SLC9A9: variants seen among roughly 807,000 people sequenced by gnomAD.
The protein encoded by SLC9A9 is sodium/hydrogen exchanger 9.
Under a neutral mutation model 77.8 loss-of-function variants are expected in SLC9A9, and 62 were observed. The ratio of observed to expected loss-of-function variants is 0.80; its 90% CI spans 0.65 to 0.98. The LOEUF (loss-of-function observed/expected upper bound fraction) is 0.98, where lower values mean the gene tolerates loss of function less well. Among genes scored for constraint, SLC9A9 ranks in the 50% least tolerant of loss-of-function variants. SLC9A9 has a pLI of 0.00. For synonymous variants in SLC9A9, 320 were observed against 283.5 expected, an observed-to-expected ratio of 1.13 and a Z score of -1.29; for missense variants, 775 against 774.9, an observed-to-expected ratio of 1.00 and a Z score of 0.00.
chr3:143,271,700 T>C (rs1937904991), intron 14 of SLC9A9, among the ~76,000 whole-genome samples: 1 of 152,154 alleles, frequency 6.6e-6, no homozygotes, highest in African/African-American at 2.4e-5. Context: ...GGGGCTAGCA[T>C]GAGGTGGTGA....
rs536883061 is a variant in SLC9A9, at chr3:143,527,431, G to A, written c.1089+24931C>T. Reference sequence around the variant, plus strand: ...TAAAAATTAGATAACAGTAGCACAAGGTTGAAGGAACTTCATTAGGTTGAG... The same window carrying A: ...TAAAAATTAGATAACAGTAGCACAAAGTTGAAGGAACTTCATTAGGTTGAG... On this transcript the variant is annotated intron_variant, in intron 9 of 15. Transcript: ENST00000316549. Among the ~76,000 whole-genome samples, 3 of 152,272 alleles carry A rather than the reference G, an allele frequency of 2.0e-5. No homozygotes were observed. The South Asian group carries it at 6.2e-4, about 32-fold the overall frequency.
At chr3:143,621,210 G>C (rs571133286) in intron 6 of SLC9A9, among the ~76,000 whole-genome samples, 1 of 152,312 alleles carries the variant, frequency 6.6e-6, no homozygotes, top group African/African-American at 2.4e-5. Flanking sequence ...CCAAACAAAA[G>C]GCAGCAGAAT....
At chr3:143,310,662 T>C (rs2030983048) in intron 14 of SLC9A9, among the ~76,000 whole-genome samples, 3 of 152,084 alleles carry the variant, frequency 2.0e-5, no homozygotes, top group Non-Finnish European at 4.4e-5. Context: ...AATCATTGAA[T>C]AGGATGTGTA....
intron 6 of SLC9A9, among the ~76,000 whole-genome samples, chr3:143,633,272 A>G (rs959149031): frequency 1.5e-4 from 23 of 152,346 alleles, no homozygotes; most frequent in Non-Finnish European, 2.6e-4. Context: ...AATCATTTTT[A>G]TTACAGAAGT....
intron 13 of SLC9A9, among the ~76,000 whole-genome samples, chr3:143,368,489 C>T (rs540932384): frequency 2.4e-4 from 37 of 152,264 alleles, no homozygotes; most frequent in African/African-American, 7.7e-4. Flanking sequence ...GATAATCATA[C>T]GGGATTGCTC....
Position 143,735,008 on chromosome 3 carries a change from G to T in SLC9A9, c.534-41701C>A, listed in dbSNP as rs1162169020. On this transcript the variant is annotated intron_variant, in intron 4 of 15. Transcript: ENST00000316549. Reference sequence around the variant, plus strand: ...GATTCAATCTGGCCACAGCCCAGTTGAATCCATTTAAGAAATGAGAATAAT... The same window carrying T: ...GATTCAATCTGGCCACAGCCCAGTTTAATCCATTTAAGAAATGAGAATAAT... Among the ~76,000 whole-genome samples the T allele has an allele frequency of 2.6e-5, 4 of 152,258 alleles. No individual in the cohort carries two copies. In the South Asian group the frequency reaches 6.2e-4, roughly 24 times the overall value.
intron 6 of SLC9A9, among the ~76,000 whole-genome samples, chr3:143,650,970 T>C (rs1224639944): frequency 6.6e-6 from 1 of 152,256 alleles, no homozygotes; most frequent in East Asian, 1.9e-4. Context: ...CCTTTCCTGG[T>C]TGTGTCGGCA....
chr3:143,279,893 C>T (rs925834035), intron 14 of SLC9A9, among the ~76,000 whole-genome samples: 15 of 152,290 alleles, frequency 9.8e-5, no homozygotes, highest in Non-Finnish European at 1.9e-4. Flanking sequence ...AATCATGGCT[C>T]ACTGCAGCCT....
chr3:143,444,712 G>A (rs1009966036), intron 12 of SLC9A9, among the ~76,000 whole-genome samples: 1 of 152,174 alleles, frequency 6.6e-6, no homozygotes, highest in Non-Finnish European at 1.5e-5. Flanking sequence ...GGGTGAAGGG[G>A]CAATCTTCTT....
chr3:143,529,828 A>G (rs1387590174), intron 9 of SLC9A9, among the ~76,000 whole-genome samples: 1 of 152,232 alleles, frequency 6.6e-6, no homozygotes. Context: ...ACTGTATCTG[A>G]TGCTGTATTT....
chr3:143,439,935 A>C (rs1310704251), intron 12 of SLC9A9, among the ~76,000 whole-genome samples: 1 of 152,194 alleles, frequency 6.6e-6, no homozygotes, highest in Non-Finnish European at 1.5e-5. Context: ...AGCCCTCAGC[A>C]GTTTTATTGC....
chr3:143,736,826 C>T (rs958550768), intron 4 of SLC9A9, among the ~76,000 whole-genome samples: 1 of 152,172 alleles, frequency 6.6e-6, no homozygotes, highest in Non-Finnish European at 1.5e-5. Context: ...AATGAGATGA[C>T]TCTCCTGAGC....
At chr3:143,364,106 A>G (rs2032830429) in intron 13 of SLC9A9, among the ~76,000 whole-genome samples, 1 of 151,922 alleles carries the variant, frequency 6.6e-6, no homozygotes, top group African/African-American at 2.4e-5. Context: ...GTGCTTGTCT[A>G]CCTCTTTTTT....
intron 12 of SLC9A9, among the ~76,000 whole-genome samples, chr3:143,465,968 A>C (rs2035273830): frequency 6.6e-6 from 1 of 152,174 alleles, no homozygotes. Context: ...GCCTGGTTTG[A>C]GCATAAGGTT....
chr3:143,353,951 C>T (rs1023683597), intron 14 of SLC9A9, among the ~76,000 whole-genome samples: 14 of 152,206 alleles, frequency 9.2e-5, no homozygotes, highest in Non-Finnish European at 8.8e-5. Flanking sequence ...CTACCTTTAG[C>T]CATCCAAGTA....
chr3:143,677,856 TCGCTCTGTCGC>T, intron 5 of SLC9A9, among the ~76,000 whole-genome samples: 1 of 133,896 alleles, frequency 7.5e-6, no homozygotes, highest in East Asian at 2.6e-4. Context: ...AGACAGAGTC[TCGCTCTGTCGC>T]CCAGGCTGGA....
intron 5 of SLC9A9, among the ~76,000 whole-genome samples, chr3:143,679,373 A>T (rs1211381913): frequency 6.6e-6 from 1 of 152,202 alleles, no homozygotes; most frequent in Non-Finnish European, 1.5e-5. Context: ...TCCTAGGCTG[A>T]TGGATTATCA....
In SLC9A9 at chr3:143,844,165, C is replaced by A. The variant is rs549876640; in HGVS notation, c.175+3983G>T. Among the ~76,000 whole-genome samples, 5 of 152,230 alleles carry A rather than the reference C, an allele frequency of 3.3e-5. No homozygotes were observed. In the East Asian group the frequency reaches 7.7e-4, roughly 24 times the overall value. Reference sequence around the variant, plus strand: ...CAAATGCCACACAATTTTTCTTGGTCTCTACAAGTGTTCATATGATATTTT... The same window carrying A: ...CAAATGCCACACAATTTTTCTTGGTATCTACAAGTGTTCATATGATATTTT... On this transcript the variant is annotated intron_variant, in intron 1 of 15. Transcript: ENST00000316549.
At chr3:143,607,465 T>C (rs897346083) in intron 6 of SLC9A9, among the ~76,000 whole-genome samples, 4 of 152,110 alleles carry the variant, frequency 2.6e-5, no homozygotes, top group African/African-American at 9.6e-5. Context: ...ACTAAAACAC[T>C]AGCAAATTGA....
Sources: gnomAD v4.1 joint callset for allele counts (sites outside exome capture counted in the v4.1 genomes callset) on GRCh38, gnomAD v4.1.1 for gene constraint, MANE v1.5 for transcripts, NCBI Gene and HGNC (gene_info 2026-07-23, HGNC 2026-07-21) for gene names.